CSNK1G3: variants seen among roughly 807,000 people sequenced by gnomAD.
CSNK1G3 encodes casein kinase 1 gamma 3, also known as casein kinase I isoform gamma-3.
In CSNK1G3, 23 loss-of-function variants were observed where a neutral mutation model predicts 64.3. The ratio of observed to expected loss-of-function variants is 0.36; its 90% confidence interval spans 0.26 to 0.51. The LOEUF (loss-of-function observed/expected upper bound fraction) is 0.51. Ranked by LOEUF, CSNK1G3 falls within the 20% of genes least tolerant of loss-of-function variation. CSNK1G3 has a pLI of 0.96. For missense variants in CSNK1G3, 357 were observed against 510.5 expected, an observed-to-expected ratio of 0.70 and a Z score of 2.90; for synonymous variants, 158 against 162.2, an observed-to-expected ratio of 0.97 and a Z score of 0.20.
At chr5:123,553,736 G>A (rs1170828383) in intron 3 of CSNK1G3, among the ~76,000 whole-genome samples, 1 of 152,196 alleles carries the variant, frequency 6.6e-6, no homozygotes, top group Middle Eastern at 3.2e-3. Flanking sequence ...GATCTCTTTG[G>A]AAAAATTGGG....
In CSNK1G3 at chr5:123,577,082, C is replaced by T. The variant is rs962234671; in HGVS notation, c.673+1119C>T. Among the ~76,000 whole-genome samples the T allele has an allele frequency of 4.6e-5, 7 of 151,964 alleles. No homozygotes were observed. In the South Asian group the frequency reaches 6.2e-4, roughly 14 times the overall value. ...CCAAAGGGTTCCAGATTTGGCCACC[C>T]GTTGCTCCTTCAAGCTGGCTTCTCT... On this transcript the variant is annotated intron_variant, in intron 6 of 12. Transcript: ENST00000345990.
chr5:123,588,412 T>C lies in CSNK1G3; in HGVS notation c.760-15T>C, dbSNP rs1168137192. 15 of 1,591,394 alleles carry C rather than the reference T, an allele frequency of 9.4e-6. No individual in the cohort carries two copies. The highest frequency in any genetic ancestry group is 1.2e-5 in the Non-Finnish European group (14 of 1,159,630). On this transcript the variant is annotated splice_polypyrimidine_tract_variant and intron_variant, in intron 7 of 12. Transcript: ENST00000345990. ...TAAATTACCACATTCTCAAGATTTT[T>C]TTTTTCTGTTTTAGGCTGACACATT...
intron 10 of CSNK1G3, among the ~76,000 whole-genome samples, chr5:123,600,479 G>T (rs1448285380): frequency 6.6e-6 from 1 of 151,944 alleles, no homozygotes; most frequent in African/African-American, 2.4e-5. Flanking sequence ...ACAAAAATTA[G>T]CCAGGCATGG....
chr5:123,570,196 A>G (rs1267759259), intron 4 of CSNK1G3, among the ~76,000 whole-genome samples: 1 of 152,178 alleles, frequency 6.6e-6, no homozygotes, highest in African/African-American at 2.4e-5. Flanking sequence ...TGTTTTGGAA[A>G]CTGTTGAAAA....
intron 10 of CSNK1G3, among the ~76,000 whole-genome samples, chr5:123,594,502 A>G (rs1490818761): frequency 6.6e-6 from 1 of 152,198 alleles, no homozygotes; most frequent in African/African-American, 2.4e-5. Flanking sequence ...TTTTCAAAGA[A>G]CTTTTCTGTT....
intron 1 of CSNK1G3, among the ~76,000 whole-genome samples, chr5:123,540,717 C>G (rs187775770): frequency 2.6e-5 from 4 of 152,276 alleles, no homozygotes; most frequent in Admixed American, 2.6e-4. Context: ...ATTGCAACCT[C>G]CGCCTCCCAG....
chr5:123,609,764 A>G (rs1158264516), intron 12 of CSNK1G3, among the ~76,000 whole-genome samples: 1 of 152,192 alleles, frequency 6.6e-6, no homozygotes, highest in Admixed American at 6.5e-5. Context: ...TTCATAGTAT[A>G]GGCCACCTGG....
rs1434313643 is a variant in CSNK1G3 at position 123,576,404 on chromosome 5, G to T, written c.673+441G>T. Among the ~76,000 whole-genome samples, 3 of 152,160 alleles carry T rather than the reference G, an allele frequency of 2.0e-5. No individual in the cohort carries two copies. The East Asian group carries it at 5.8e-4, about 29-fold the overall frequency. The stretch of plus-strand genomic sequence containing the variant: ...AATGCTAACAGCATATACCTTAGAG[G>T]TGGGCAGAGCTGGCTTACCTGTATG... On this transcript the variant is annotated intron_variant, in intron 6 of 12. Transcript: ENST00000345990.
At chr5:123,569,865 T>A (rs569102628) in intron 4 of CSNK1G3, among the ~76,000 whole-genome samples, 1 of 152,208 alleles carries the variant, frequency 6.6e-6, no homozygotes, top group South Asian at 2.1e-4. Flanking sequence ...TGATGTTAGT[T>A]GGTAACTTTT....
At chr5:123,552,798 A>C (rs1020416545) in intron 2 of CSNK1G3, among the ~76,000 whole-genome samples, 1 of 152,172 alleles carries the variant, frequency 6.6e-6, no homozygotes, top group East Asian at 1.9e-4. Context: ...TTGACCATGC[A>C]TTTGACTATT....
At chr5:123,557,842 A>AC (rs1205434910) in intron 4 of CSNK1G3, among the ~76,000 whole-genome samples, 1 of 152,212 alleles carries the variant, frequency 6.6e-6, no homozygotes, top group Non-Finnish European at 1.5e-5. Context: ...TTTTGGAGGC[A>AC]CTATTATAGC....
intron 11 of CSNK1G3, among the ~76,000 whole-genome samples, chr5:123,605,109 A>G (rs1022395787): frequency 6.6e-6 from 1 of 152,128 alleles, no homozygotes; most frequent in African/African-American, 2.4e-5. Flanking sequence ...GTGTTGATGC[A>G]TGAAAGTTAT....
intron 1 of CSNK1G3, among the ~76,000 whole-genome samples, chr5:123,534,147 G>C (rs906180394): frequency 2.0e-5 from 3 of 151,836 alleles, no homozygotes; most frequent in African/African-American, 7.3e-5. Context: ...GTATACTAGA[G>C]CCCTTGTCAT....
At chr5:123,563,581 A>G (rs1786219298) in intron 4 of CSNK1G3, among the ~76,000 whole-genome samples, 2 of 152,052 alleles carry the variant, frequency 1.3e-5, no homozygotes, top group African/African-American at 2.4e-5. Flanking sequence ...TGATTTTGTA[A>G]TATACGGAAA....
At chr5:123,614,532 C>G in exon 13 of CSNK1G3, 1 of 614,554 alleles carries the variant, frequency 1.6e-6, no homozygotes, top group Non-Finnish European at 2.7e-6. Context: ...TTTCATACTT[C>G]ATTTTGTGGT....
At chr5:123,542,136 T>C (rs1471929391) in intron 1 of CSNK1G3, among the ~76,000 whole-genome samples, 2 of 152,194 alleles carry the variant, frequency 1.3e-5, no homozygotes, top group Non-Finnish European at 2.9e-5. Context: ...ATATATTTAT[T>C]GTGTAGAACA....
chr5:123,530,329 A>G (rs1156412588), intron 1 of CSNK1G3, among the ~76,000 whole-genome samples: 1 of 152,142 alleles, frequency 6.6e-6, no homozygotes, highest in East Asian at 1.9e-4. Context: ...TACCTAGGAA[A>G]TTTAGATTTT....
chr5:123,571,504 CATCCAA>C (rs1788098559), intron 4 of CSNK1G3, among the ~76,000 whole-genome samples: 1 of 152,036 alleles, frequency 6.6e-6, no homozygotes, highest in African/African-American at 2.4e-5. Flanking sequence ...ATACTTGTCT[CATCCAA>C]ATCACTAATA....
intron 12 of CSNK1G3, among the ~76,000 whole-genome samples, chr5:123,613,724 A>G (rs1748946016): frequency 6.6e-6 from 1 of 152,090 alleles, no homozygotes; most frequent in Non-Finnish European, 1.5e-5. Flanking sequence ...TTTTGCATAT[A>G]CAGTTTTGAC....
Sources: gnomAD v4.1 joint callset for allele counts (sites outside exome capture counted in the v4.1 genomes callset) on GRCh38, gnomAD v4.1.1 for gene constraint, MANE v1.5 for transcripts, NCBI Gene and HGNC (gene_info 2026-07-23, HGNC 2026-07-21) for gene names.